KLHL1: variants seen among roughly 807,000 people sequenced by gnomAD.
KLHL1 encodes the protein kelch like family member 1.
A neutral mutation model predicts 77.7 loss-of-function variants in KLHL1; 47 were observed. The ratio of observed to expected loss-of-function variants is 0.60; its 90% CI spans 0.48 to 0.77. KLHL1 has a LOEUF of 0.77. Among genes scored for constraint, KLHL1 ranks in the 30% least tolerant of loss-of-function variants. The pLI, the probability that KLHL1 is intolerant of heterozygous loss-of-function variation, is 0.00. For missense variants in KLHL1, 925 were observed against 910.8 expected (o/e 1.02, Z -0.20); for synonymous variants, 360 against 325.2 (o/e 1.11, Z -1.15).
At chr13:69,857,331 C>T (rs1257530975) in intron 5 of KLHL1, among the ~76,000 whole-genome samples, 1 of 152,008 alleles carries the variant, frequency 6.6e-6, no homozygotes, top group African/African-American at 2.4e-5. Flanking sequence ...TTGACTACTC[C>T]TCCCTTTGTG....
At chr13:69,734,166 T>C (rs1323773306) in intron 8 of KLHL1, among the ~76,000 whole-genome samples, 1 of 152,074 alleles carries the variant, frequency 6.6e-6, no homozygotes, top group Non-Finnish European at 1.5e-5. Context: ...CAATAATGAG[T>C]GAGTGCTCGT....
chr13:69,952,633 A>C (rs905061719), intron 3 of KLHL1, among the ~76,000 whole-genome samples: 1 of 151,412 alleles, frequency 6.6e-6, no homozygotes, highest in African/African-American at 2.4e-5. Context: ...GTATTCCTTC[A>C]GAACATCTTC....
chr13:69,977,105 G>T (rs1402270788), intron 1 of KLHL1, among the ~76,000 whole-genome samples: 1 of 151,990 alleles, frequency 6.6e-6, no homozygotes, highest in Non-Finnish European at 1.5e-5. Context: ...TTTAGGAAAA[G>T]ACATTCTTAT....
chr13:70,080,885 C>T (rs552341817), intron 1 of KLHL1, among the ~76,000 whole-genome samples: 3 of 152,226 alleles, frequency 2.0e-5, no homozygotes, highest in East Asian at 3.9e-4. Flanking sequence ...TGAGCCACCA[C>T]GCCTGGCTCT....
chr13:69,707,880 T>A, intron 9 of KLHL1, 84 bp from the exon 10 acceptor site: 1 of 1,204,392 alleles, frequency 8.3e-7, no homozygotes, highest in Non-Finnish European at 1.1e-6. Context: ...ACAAAGCCTG[T>A]CATGAAAAAG....
At chr13:69,959,011 T>A (rs981992755) in intron 3 of KLHL1, among the ~76,000 whole-genome samples, 1 of 152,038 alleles carries the variant, frequency 6.6e-6, no homozygotes, top group East Asian at 1.9e-4. Context: ...TGCCTGCAAT[T>A]TTTCCAATAA....
intron 1 of KLHL1, among the ~76,000 whole-genome samples, chr13:70,002,621 A>C (rs970552695): frequency 6.6e-6 from 1 of 151,654 alleles, no homozygotes; most frequent in African/African-American, 2.4e-5. Context: ...GTGAACCCCA[A>C]TCAGGATATA....
At chr13:69,879,895 G>T (rs1236745418) in intron 5 of KLHL1, among the ~76,000 whole-genome samples, 1 of 152,126 alleles carries the variant, frequency 6.6e-6, no homozygotes. Context: ...ACTACATGGG[G>T]ATTTTGTAGA....
rs184836521 is a variant in KLHL1, at chr13:69,974,940, C to G, written c.680+680G>C. Among the ~76,000 whole-genome samples, 14 of 152,090 alleles carry G rather than the reference C, an allele frequency of 9.2e-5. No individual in the cohort carries two copies. The East Asian group carries it at 1.9e-3, about 21-fold the overall frequency. On this transcript the variant is annotated intron_variant, in intron 2 of 10. Coordinates refer to ENST00000377844, the MANE Select transcript of KLHL1 (RefSeq NM_020866.3). ...CAATAGTTAGCTGACAGATTGAACT[C>G]TAAATCACCTGCAGTAGTTATGCAA...
chr13:70,033,698 C>A (rs1029025350), intron 1 of KLHL1, among the ~76,000 whole-genome samples: 1 of 141,222 alleles, frequency 7.1e-6, no homozygotes, highest in African/African-American at 2.6e-5. Context: ...TGACTCACTG[C>A]AGCCTCCACC....
At chr13:69,703,702 C>G (rs1480282902) in intron 10 of KLHL1, among the ~76,000 whole-genome samples, 4 of 151,588 alleles carry the variant, frequency 2.6e-5, no homozygotes, top group Non-Finnish European at 5.9e-5. Flanking sequence ...CATATTTCTA[C>G]AGTACCTTTA....
At chr13:69,987,461 T>C (rs1383995250) in intron 1 of KLHL1, among the ~76,000 whole-genome samples, 2 of 152,088 alleles carry the variant, frequency 1.3e-5, no homozygotes, top group Non-Finnish European at 2.9e-5. Context: ...ATCAGCTTTT[T>C]TTCTGCCTTC....
chr13:69,724,601 TATC>T (rs376682207), intron 8 of KLHL1, among the ~76,000 whole-genome samples: 2 of 151,968 alleles, frequency 1.3e-5, no homozygotes, highest in East Asian at 3.9e-4. Context: ...ATACAAAAAT[TATC>T]ATCATAATAC....
intron 9 of KLHL1, among the ~76,000 whole-genome samples, chr13:69,708,737 G>A (rs973759468): frequency 6.6e-6 from 1 of 151,882 alleles, no homozygotes; most frequent in Non-Finnish European, 1.5e-5. Flanking sequence ...TGAAGAAACC[G>A]TACCTTTGCC....
chr13:69,993,360 TGAA>T (rs1441366847), intron 1 of KLHL1, among the ~76,000 whole-genome samples: 1 of 152,030 alleles, frequency 6.6e-6, no homozygotes, highest in Non-Finnish European at 1.5e-5. Flanking sequence ...TAACTCCAAA[TGAA>T]GGAGCTTCAT....
At chr13:70,007,066 G>A (rs890061391) in intron 1 of KLHL1, among the ~76,000 whole-genome samples, 1 of 151,896 alleles carries the variant, frequency 6.6e-6, no homozygotes, top group African/African-American at 2.4e-5. Context: ...TTGAAATTAT[G>A]AATCCACTGT....
intron 5 of KLHL1, among the ~76,000 whole-genome samples, chr13:69,879,220 A>G (rs1431927012): frequency 6.6e-6 from 1 of 152,122 alleles, no homozygotes; most frequent in Non-Finnish European, 1.5e-5. Flanking sequence ...ATATATATAT[A>G]AAAGAAATTA....
chr13:69,797,763 C>T (rs12584120), intron 6 of KLHL1, among the ~76,000 whole-genome samples: 2 of 149,984 alleles, frequency 1.3e-5, no homozygotes, highest in Non-Finnish European at 3.0e-5. Context: ...CGGGAGGCGG[C>T]GCTTGCAGTG....
intron 3 of KLHL1, among the ~76,000 whole-genome samples, chr13:69,947,253 G>A (rs1245451882): frequency 6.6e-6 from 1 of 152,060 alleles, no homozygotes; most frequent in East Asian, 1.9e-4. Context: ...TGTGGACAGT[G>A]AGGAATAAAA....
Sources: gnomAD v4.1 joint callset for allele counts (sites outside exome capture counted in the v4.1 genomes callset) on GRCh38, gnomAD v4.1.1 for gene constraint, MANE v1.5 for transcripts, NCBI Gene and HGNC (gene_info 2026-07-23, HGNC 2026-07-21) for gene names.